The following PPARGC1A variants were observed in gnomAD, a reference collection of about 807,000 sequenced individuals.
PPARGC1A encodes peroxisome proliferator-activated receptor gamma coactivator 1-alpha.
A neutral mutation model predicts 88.7 loss-of-function variants in PPARGC1A; 25 were observed. The observed-to-expected ratio is 0.28, with a 90% CI of 0.21 to 0.39. The LOEUF (loss-of-function observed/expected upper bound fraction) is 0.39. Among genes scored for constraint, PPARGC1A ranks in the 10% least tolerant of loss-of-function variants. The probability of loss-of-function intolerance (pLI) is 1.00; values close to 1 mark genes in which losing one functional copy is unlikely to be tolerated. For synonymous variants in PPARGC1A, 363 were observed against 355.6 expected, an observed-to-expected ratio of 1.02 and a Z score of -0.24; for missense variants, 880 against 968.7, an observed-to-expected ratio of 0.91 and a Z score of 1.22.
the PPARGC1A span, among the ~76,000 whole-genome samples, chr4:24,350,566 C>G: frequency 2.0e-5 from 3 of 152,172 alleles, no homozygotes; most frequent in African/African-American, 7.2e-5. Context: ...ACGCATAAAA[C>G]TGTGTGACAG....
chr4:24,451,544 G>C, the PPARGC1A span, among the ~76,000 whole-genome samples: 12 of 152,124 alleles, frequency 7.9e-5, no homozygotes, highest in Non-Finnish European at 1.5e-4. Flanking sequence ...ACTGTGTGAT[G>C]GTTTGGGTTT....
the PPARGC1A span, among the ~76,000 whole-genome samples, chr4:24,028,240 T>G: frequency 6.6e-6 from 1 of 152,188 alleles, no homozygotes; most frequent in Admixed American, 6.5e-5. Flanking sequence ...AGATTTAAAA[T>G]GACAAAATAA....
Position 23,795,815 on chromosome 4 carries a change from GAACATGTT to G in PPARGC1A, c.2396_*6del. On this transcript the variant is annotated stop_lost and 3_prime_UTR_variant, in exon 13 of 13. Transcript: ENST00000264867. ...CATCCCTCTGTCATCCTCAGCTAGGGAACATGTTACCTGCGCAAGCTTCTCTGAGCTTC... is the reference window on the plus strand; with the variant it reads ...CATCCCTCTGTCATCCTCAGCTAGGGACCTGCGCAAGCTTCTCTGAGCTTC... 6.3e-7 allele frequency: 1 copy of G among 1,599,406 alleles called. No homozygotes were observed. The highest frequency in any genetic ancestry group is 8.5e-7 in the Non-Finnish European group (1 of 1,170,680).
the PPARGC1A span, among the ~76,000 whole-genome samples, chr4:24,399,286 T>C: frequency 6.6e-6 from 1 of 152,170 alleles, no homozygotes; most frequent in Non-Finnish European, 1.5e-5. Flanking sequence ...TTGAGTGAGG[T>C]CATTTACCAG....
chr4:24,367,006 T>C, the PPARGC1A span, among the ~76,000 whole-genome samples: 4 of 152,242 alleles, frequency 2.6e-5, no homozygotes, highest in South Asian at 8.3e-4. Context: ...CAAAGCTGTA[T>C]GTTTTTAAAC....
the PPARGC1A span, among the ~76,000 whole-genome samples, chr4:24,350,021 T>G: frequency 5.9e-5 from 9 of 152,224 alleles, no homozygotes; most frequent in African/African-American, 2.2e-4. Context: ...CTCTCAAACT[T>G]GACTCAGCTC....
At chr4:23,937,360 T>A in the PPARGC1A span, among the ~76,000 whole-genome samples, 2 of 152,094 alleles carry the variant, frequency 1.3e-5, no homozygotes, top group Non-Finnish European at 2.9e-5. Context: ...ATCCCGTCTG[T>A]ACCAGGAAAT....
At chr4:24,453,688 G>A in the PPARGC1A span, among the ~76,000 whole-genome samples, 190 of 152,248 alleles carry the variant, frequency 1.2e-3, no homozygotes, top group African/African-American at 4.4e-3. Flanking sequence ...GCTGAGACAG[G>A]AGAATCACTT....
the PPARGC1A span, among the ~76,000 whole-genome samples, chr4:24,243,006 C>T: frequency 6.6e-6 from 1 of 152,132 alleles, no homozygotes; most frequent in African/African-American, 2.4e-5. Context: ...GCCCCTTTTC[C>T]TCATTGCAAT....
At chr4:23,913,300 AG>A in the PPARGC1A span, among the ~76,000 whole-genome samples, 9 of 144,532 alleles carry the variant, frequency 6.2e-5, no homozygotes, top group Admixed American at 2.1e-4. Context: ...AGAGAGAGAG[AG>A]AGAGAGAAAG....
the PPARGC1A span, among the ~76,000 whole-genome samples, chr4:24,410,654 A>T: frequency 6.6e-6 from 1 of 152,148 alleles, no homozygotes; most frequent in African/African-American, 2.4e-5. Flanking sequence ...GGGTGGGCAC[A>T]ATCTAATCAG....
At chr4:24,079,340 T>C in the PPARGC1A span, among the ~76,000 whole-genome samples, 1 of 152,032 alleles carries the variant, frequency 6.6e-6, no homozygotes, top group African/African-American at 2.4e-5. Flanking sequence ...GTCCCCATTA[T>C]TGTTTTAATT....
the PPARGC1A span, among the ~76,000 whole-genome samples, chr4:23,997,285 G>A: frequency 7.9e-5 from 12 of 152,128 alleles, no homozygotes; most frequent in Middle Eastern, 3.4e-3. Context: ...AAGGCAAAAC[G>A]TCTATCTATG....
chr4:23,974,640 G>GT, the PPARGC1A span, among the ~76,000 whole-genome samples: 9,074 of 146,874 alleles, frequency 0.062, 320 homozygotes, highest in East Asian at 0.15. Flanking sequence ...GTTGTCGTTG[G>GT]TTTTTTTTTT....
chr4:23,862,561 C>T (rs1359716930), intron 2 of PPARGC1A, among the ~76,000 whole-genome samples: 2 of 152,176 alleles, frequency 1.3e-5, no homozygotes, highest in Non-Finnish European at 2.9e-5. Flanking sequence ...CCTCACTTTC[C>T]AAACTGTAAA....
chr4:23,963,957 G>A, the PPARGC1A span, among the ~76,000 whole-genome samples: 4 of 152,154 alleles, frequency 2.6e-5, no homozygotes, highest in Non-Finnish European at 5.9e-5. Context: ...AGCAGATGGA[G>A]GTAATACCCA....
At chr4:23,888,386 G>C (rs953968221) in intron 1 of PPARGC1A, among the ~76,000 whole-genome samples, 1 of 152,114 alleles carries the variant, frequency 6.6e-6, no homozygotes, top group African/African-American at 2.4e-5. Flanking sequence ...ATATGATCTA[G>C]TTCCTCAATC....
At chr4:24,422,187 CACAGCAGAGCAT>C in the PPARGC1A span, among the ~76,000 whole-genome samples, 1 of 152,196 alleles carries the variant, frequency 6.6e-6, no homozygotes, top group Non-Finnish European at 1.5e-5. Flanking sequence ...GTTTTCATGC[CACAGCAGAGCAT>C]ACAGCAGAGT....
At chr4:24,027,235 G>GTGTGTGTGTGTGTGTGTGTGTA in the PPARGC1A span, among the ~76,000 whole-genome samples, 1 of 150,288 alleles carries the variant, frequency 6.7e-6, no homozygotes, top group South Asian at 2.1e-4. Context: ...GTCTGTGTGT[G>GTGTGTGTGTGTGTGTGTGTGTA]TCTGTGTGTG....
Sources: allele counts gnomAD v4.1 joint callset (sites outside exome capture counted in the v4.1 genomes callset), GRCh38; gene constraint gnomAD v4.1.1; transcripts MANE v1.5; gene names NCBI Gene and HGNC (gene_info 2026-07-23, HGNC 2026-07-21).